The following ARB2A variants were observed in gnomAD, a reference collection of about 807,000 sequenced individuals.
ARB2A encodes ARB2 cotranscriptional regulator A.
At chr5:93,619,890 A>G in the ARB2A span, 1 of 152,190 alleles carries the variant, frequency 6.6e-6, no homozygotes, top group African/African-American at 2.4e-5. Context: ...GTTAAAGCAG[A>G]AAACTAAAAG....
chr5:93,980,345 T>C, the ARB2A span, among the ~76,000 whole-genome samples: 1 of 152,182 alleles, frequency 6.6e-6, no homozygotes, highest in Non-Finnish European at 1.5e-5. Context: ...GCTGAGGTTG[T>C]AGATAATCAT....
the ARB2A span, among the ~76,000 whole-genome samples, chr5:93,970,601 C>CA: frequency 6.8e-3 from 1,030 of 151,086 alleles, 6 homozygotes; most frequent in Non-Finnish European, 8.5e-3. Context: ...TCCCCACAAC[C>CA]AAAAAAAAGA....
At chr5:94,066,793 C>T in the ARB2A span, among the ~76,000 whole-genome samples, 148 of 152,124 alleles carry the variant, frequency 9.7e-4, 1 homozygote, top group African/African-American at 3.4e-3. Flanking sequence ...TCAAACTATT[C>T]CAAAAAAATG....
chr5:94,045,842 C>T, the ARB2A span, among the ~76,000 whole-genome samples: 1 of 152,110 alleles, frequency 6.6e-6, no homozygotes. Flanking sequence ...TTAAACTCTA[C>T]TTATTTGAGT....
At chr5:93,958,244 A>G in the ARB2A span, among the ~76,000 whole-genome samples, 1 of 152,072 alleles carries the variant, frequency 6.6e-6, no homozygotes, top group Non-Finnish European at 1.5e-5. Context: ...TCATGCTTAA[A>G]GCATTTTATT....
the ARB2A span, among the ~76,000 whole-genome samples, chr5:94,001,922 G>C: frequency 6.6e-5 from 10 of 152,174 alleles, no homozygotes; most frequent in Non-Finnish European, 1.2e-4. Flanking sequence ...AATAGGCCTT[G>C]AGTAACATGA....
At chr5:93,949,250 C>A in the ARB2A span, among the ~76,000 whole-genome samples, 1 of 151,874 alleles carries the variant, frequency 6.6e-6, no homozygotes, top group Non-Finnish European at 1.5e-5. Context: ...TTACATCAGG[C>A]GTGAGCCACT....
the ARB2A span, chr5:93,734,186 A>C: frequency 6.6e-6 from 1 of 152,216 alleles, no homozygotes; most frequent in African/African-American, 2.4e-5. Flanking sequence ...TTAAAGTGCC[A>C]AGGATTGATA....
chr5:93,741,808 T>C, the ARB2A span: 1 of 449,630 alleles, frequency 2.2e-6, no homozygotes, highest in Non-Finnish European at 3.9e-6. Flanking sequence ...AGCTCCCTTG[T>C]GGGATTTGCA....
chr5:93,893,342 GC>G, the ARB2A span, among the ~76,000 whole-genome samples: 1 of 151,992 alleles, frequency 6.6e-6, no homozygotes, highest in African/African-American at 2.4e-5. Context: ...AGAAAATGTT[GC>G]CCCCTACCCT....
At chr5:93,895,375 T>C in the ARB2A span, among the ~76,000 whole-genome samples, 1 of 152,206 alleles carries the variant, frequency 6.6e-6, no homozygotes, top group East Asian at 1.9e-4. Flanking sequence ...ACTTGAACAT[T>C]GAATTATAGA....
the ARB2A span, among the ~76,000 whole-genome samples, chr5:93,957,212 C>A: frequency 2.0e-5 from 3 of 152,170 alleles, no homozygotes; most frequent in Admixed American, 6.5e-5. Flanking sequence ...ACTTTCCCTG[C>A]GAAATCTTTA....
At chr5:94,088,584 G>A in the ARB2A span, among the ~76,000 whole-genome samples, 12 of 152,068 alleles carry the variant, frequency 7.9e-5, no homozygotes, top group Admixed American at 5.2e-4. Context: ...GGGAGGGTGA[G>A]GCAGCAGATA....
chr5:93,714,766 G>A, the ARB2A span, among the ~76,000 whole-genome samples: 1 of 152,124 alleles, frequency 6.6e-6, no homozygotes, highest in East Asian at 1.9e-4. Context: ...CTGGTCACCT[G>A]CAACTCTTAC....
chr5:93,984,969 G>A, the ARB2A span, among the ~76,000 whole-genome samples: 1 of 152,116 alleles, frequency 6.6e-6, no homozygotes, highest in Admixed American at 6.5e-5. Context: ...CTTCATCCCT[G>A]TCCTCCTCCA....
At chr5:93,835,015 C>T in the ARB2A span, among the ~76,000 whole-genome samples, 5 of 152,154 alleles carry the variant, frequency 3.3e-5, no homozygotes, top group African/African-American at 7.2e-5. Flanking sequence ...AATATGCTAA[C>T]GTACAAAGTG....
the ARB2A span, among the ~76,000 whole-genome samples, chr5:93,741,990 C>T: frequency 2.6e-5 from 4 of 152,080 alleles, no homozygotes; most frequent in Admixed American, 1.3e-4. Context: ...ATTGCTGGGA[C>T]GACCCCTCAA....
the ARB2A span, among the ~76,000 whole-genome samples, chr5:93,954,683 C>T: frequency 6.9e-6 from 1 of 145,566 alleles, no homozygotes; most frequent in Non-Finnish European, 1.5e-5. Context: ...AAGCACAGCA[C>T]AGCACAGCAC....
chr5:94,019,639 T>C, the ARB2A span, among the ~76,000 whole-genome samples: 1 of 152,178 alleles, frequency 6.6e-6, no homozygotes, highest in African/African-American at 2.4e-5. Context: ...CAACAGATCC[T>C]GGAGAGGATG....
Sources: gnomAD v4.1 joint callset for allele counts (sites outside exome capture counted in the v4.1 genomes callset) on GRCh38, gnomAD v4.1.1 for gene constraint, MANE v1.5 for transcripts, NCBI Gene and HGNC (gene_info 2026-07-23, HGNC 2026-07-21) for gene names.